ADAM12: variants seen among roughly 807,000 people sequenced by gnomAD.
ADAM12 encodes ADAM metallopeptidase domain 12.
In ADAM12, 70 loss-of-function variants were observed where a neutral mutation model predicts 106.4. The ratio of observed to expected loss-of-function variants is 0.66; its 90% CI spans 0.54 to 0.80. The LOEUF (loss-of-function observed/expected upper bound fraction) is 0.80. Ranked by LOEUF, ADAM12 falls within the 30% of genes least tolerant of loss-of-function variation. ADAM12 has a pLI of 0.00. For synonymous variants in ADAM12, 420 were observed against 433.5 expected (o/e 0.97, Z 0.39); for missense variants, 1,010 against 1,171.9 (o/e 0.86, Z 2.02).
chr10:126,352,038 C>T (rs1855379964), intron 1 of ADAM12, among the ~76,000 whole-genome samples: 1 of 152,298 alleles, frequency 6.6e-6, no homozygotes, highest in African/African-American at 2.4e-5. Context: ...TCAACAGCAC[C>T]CCTCAAAGGG....
intron 3 of ADAM12, among the ~76,000 whole-genome samples, chr10:126,159,603 T>C (rs1956898024): frequency 6.6e-6 from 1 of 152,114 alleles, no homozygotes; most frequent in Non-Finnish European, 1.5e-5. Flanking sequence ...CAGGCTTAAC[T>C]GAAAGCTGGT....
chr10:126,234,890 G>C (rs1958384267), intron 3 of ADAM12, among the ~76,000 whole-genome samples: 1 of 152,214 alleles, frequency 6.6e-6, no homozygotes, highest in Non-Finnish European at 1.5e-5. Flanking sequence ...GGGTCAAAGG[G>C]GCACGTGGAG....
At chr10:126,335,558 A>G (rs1345603174) in intron 1 of ADAM12, among the ~76,000 whole-genome samples, 2 of 152,212 alleles carry the variant, frequency 1.3e-5, no homozygotes, top group Non-Finnish European at 2.9e-5. Flanking sequence ...TGATGCTCCT[A>G]TAAATGATAG....
At chr10:126,188,636 G>A (rs1310987533) in intron 3 of ADAM12, among the ~76,000 whole-genome samples, 2 of 152,028 alleles carry the variant, frequency 1.3e-5, no homozygotes, top group East Asian at 3.9e-4. Flanking sequence ...TTCTGTGAGT[G>A]GAATCATTTT....
chr10:126,307,157 T>C (rs2133809327), intron 2 of ADAM12, among the ~76,000 whole-genome samples: 1 of 152,366 alleles, frequency 6.6e-6, no homozygotes, highest in African/African-American at 2.4e-5. Flanking sequence ...ATATTGATCA[T>C]ATTATTCAGT....
chr10:126,128,203 G>A (rs1565079367), intron 5 of ADAM12, among the ~76,000 whole-genome samples: 1 of 152,140 alleles, frequency 6.6e-6, no homozygotes, highest in Non-Finnish European at 1.5e-5. Context: ...ATGAGGACAA[G>A]GAAAGGTGAG....
chr10:126,191,792 T>C (rs1957506280), intron 3 of ADAM12, among the ~76,000 whole-genome samples: 1 of 152,196 alleles, frequency 6.6e-6, no homozygotes, highest in African/African-American at 2.4e-5. Context: ...ATTAGTCCAC[T>C]CTCACACTGC....
At chr10:126,263,898 T>G (rs1959048240) in intron 3 of ADAM12, among the ~76,000 whole-genome samples, 1 of 152,210 alleles carries the variant, frequency 6.6e-6, no homozygotes, top group Non-Finnish European at 1.5e-5. Context: ...CAGGAAGTAC[T>G]TACAGAATAT....
intron 3 of ADAM12, among the ~76,000 whole-genome samples, chr10:126,213,106 G>A (rs1359649002): frequency 6.6e-6 from 1 of 152,048 alleles, no homozygotes; most frequent in Non-Finnish European, 1.5e-5. Context: ...GCACAGTGTT[G>A]AGCAGATAAT....
rs141916123 is a variant in ADAM12 at position 126,166,046 on chromosome 10, T to C, written c.261-10741A>G. 2.6e-3 allele frequency among the ~76,000 whole-genome samples: 400 copies of C among 152,346 alleles called. 13 individuals are homozygous for C. The East Asian group carries it at 0.067, about 26-fold the overall frequency. ...CTTTCTCATTTAGTTTCACAAACTA[T>C]ATTAAATAAAACTGCTGATACAGCA... On this transcript the variant is annotated intron_variant, in intron 3 of 22. Coordinates refer to ENST00000448723, the MANE Select transcript of ADAM12 (RefSeq NM_001288973.2).
rs542828113 is a variant in ADAM12 at position 126,091,894 on chromosome 10, T to G, written c.1145+2091A>C. ...AATATTTGTTTAATATGTGAACAAGTGGGTGGAGAGACAGATGGAAAGAAA... is the reference window on the plus strand; with the variant it reads ...AATATTTGTTTAATATGTGAACAAGGGGGTGGAGAGACAGATGGAAAGAAA... On this transcript the variant is annotated intron_variant, in intron 11 of 22. Coordinates refer to ENST00000448723, the MANE Select transcript of ADAM12 (RefSeq NM_001288973.2). 6.0e-5 allele frequency among the ~76,000 whole-genome samples: 9 copies of G among 150,086 alleles called. No individual in the cohort carries two copies. The South Asian group carries it at 1.9e-3, about 32-fold the overall frequency.
chr10:126,155,587 G>T (rs1676724), intron 3 of ADAM12, among the ~76,000 whole-genome samples: 66,915 of 151,888 alleles, frequency 0.44, 15,340 homozygotes, highest in East Asian at 0.77. Context: ...ATTCCTTCAT[G>T]CGCACACTGG....
chr10:126,382,887 AAG>A (rs1466329627), intron 1 of ADAM12, among the ~76,000 whole-genome samples: 1 of 152,216 alleles, frequency 6.6e-6, no homozygotes, highest in Non-Finnish European at 1.5e-5. Flanking sequence ...ATAAGAATAA[AAG>A]AACATTCATT....
intron 3 of ADAM12, among the ~76,000 whole-genome samples, chr10:126,261,799 T>C (rs1248196924): frequency 1.9e-5 from 2 of 105,722 alleles, no homozygotes; most frequent in African/African-American, 3.3e-5. Flanking sequence ...GATGGATGGA[T>C]AGTATTTTTT....
At chr10:126,206,862 G>GGGGC (rs1957807879) in intron 3 of ADAM12, among the ~76,000 whole-genome samples, 1 of 147,350 alleles carries the variant, frequency 6.8e-6, no homozygotes, top group Non-Finnish European at 1.5e-5. Flanking sequence ...TGTGGGGGCG[G>GGGGC]GGGGGAGCCA....
rs1416416090 is a variant in ADAM12, at chr10:126,056,630, T to G, written c.1610-6961A>C. On this transcript the variant is annotated intron_variant, in intron 14 of 22. Coordinates refer to ENST00000448723, the MANE Select transcript of ADAM12 (RefSeq NM_001288973.2). ...CCTGTTTACAATGCTTACTCTTGAG[T>G]GTGATATTCCCCTTCCTGTGTCCAT... Among the ~76,000 whole-genome samples, 14 of 31,940 alleles carry G rather than the reference T, an allele frequency of 4.4e-4. 1 individual carries two copies. The highest frequency in any genetic ancestry group is 1.2e-3 in the South Asian group (1 of 810). The allele number at this position is 31,940 out of a possible 152,430, so 21.0% of individuals were successfully genotyped here.
At chr10:126,198,298 C>T (rs879843833) in intron 3 of ADAM12, among the ~76,000 whole-genome samples, 3 of 152,200 alleles carry the variant, frequency 2.0e-5, no homozygotes, top group Non-Finnish European at 4.4e-5. Context: ...GGGGAGGTCA[C>T]GCTATCAGGA....
intron 21 of ADAM12, among the ~76,000 whole-genome samples, chr10:126,028,768 A>G (rs1253405056): frequency 6.6e-6 from 1 of 152,056 alleles, no homozygotes; most frequent in Non-Finnish European, 1.5e-5. Context: ...GACAACATCA[A>G]GAGCAAAAAT....
intron 3 of ADAM12, among the ~76,000 whole-genome samples, chr10:126,252,101 TTGGATGGATGGATG>T (rs1273300431): frequency 2.4e-5 from 1 of 42,178 alleles, no homozygotes; most frequent in African/African-American, 9.0e-5. Flanking sequence ...ATGGGATGGA[TTGGATGGATGGATG>T]GGATGGATGG....
Sources: gnomAD v4.1 joint callset for allele counts (sites outside exome capture counted in the v4.1 genomes callset) on GRCh38, gnomAD v4.1.1 for gene constraint, MANE v1.5 for transcripts, NCBI Gene and HGNC (gene_info 2026-07-23, HGNC 2026-07-21) for gene names.